Variants in CHSY3 observed in about 807,000 individuals in gnomAD.
The protein encoded by CHSY3 is N-acetylgalactosaminyl-proteoglycan 3-beta-glucuronosyltransferase 3.
A neutral mutation model predicts 67.2 loss-of-function variants in CHSY3; 35 were observed. That is an observed-to-expected ratio of 0.52 (90% confidence interval 0.40 to 0.69). The LOEUF (loss-of-function observed/expected upper bound fraction) is 0.69, where lower values mean the gene tolerates loss of function less well. CHSY3 is among the 30% of genes least tolerant of loss of function. CHSY3 has a pLI of 0.00. For synonymous variants in CHSY3, 474 were observed against 434.7 expected (o/e 1.09, Z -1.12); for missense variants, 1,069 against 1,138.5 (o/e 0.94, Z 0.88).
intron 2 of CHSY3, among the ~76,000 whole-genome samples, chr5:129,942,392 T>C (rs896864603): frequency 1.2e-4 from 18 of 152,182 alleles, no homozygotes; most frequent in African/African-American, 4.3e-4. Context: ...TATTATATAT[T>C]TGGAGAATTA....
intron 2 of CHSY3, among the ~76,000 whole-genome samples, chr5:130,102,917 C>T (rs919474096): frequency 1.3e-5 from 2 of 151,952 alleles, no homozygotes; most frequent in Non-Finnish European, 2.9e-5. Context: ...TACTCTAGTA[C>T]AGTGTTTCAC....
intron 2 of CHSY3, among the ~76,000 whole-genome samples, chr5:129,926,960 C>G (rs1239238063): frequency 2.0e-5 from 3 of 151,858 alleles, no homozygotes; most frequent in African/African-American, 4.8e-5. Context: ...GAGCATTTAA[C>G]AGTATACCAC....
At chr5:129,973,483 G>C (rs538091741) in intron 2 of CHSY3, among the ~76,000 whole-genome samples, 1 of 152,044 alleles carries the variant, frequency 6.6e-6, no homozygotes, top group South Asian at 2.1e-4. Context: ...GTTTCTTTTT[G>C]AATTGTTGCC....
chr5:129,992,867 T>G (rs1184760359), intron 2 of CHSY3, among the ~76,000 whole-genome samples: 1 of 152,206 alleles, frequency 6.6e-6, no homozygotes, highest in East Asian at 1.9e-4. Flanking sequence ...TGTCAAGTTG[T>G]GTACTAAAGC....
At chr5:130,179,094 A>G (rs1016605469) in intron 2 of CHSY3, among the ~76,000 whole-genome samples, 2 of 152,194 alleles carry the variant, frequency 1.3e-5, no homozygotes, top group South Asian at 2.1e-4. Flanking sequence ...TCACTTTATT[A>G]CTGTCCTCAT....
chr5:129,968,512 A>C (rs922410405), intron 2 of CHSY3, among the ~76,000 whole-genome samples: 1 of 151,824 alleles, frequency 6.6e-6, no homozygotes, highest in Non-Finnish European at 1.5e-5. Context: ...TTGGTACTCT[A>C]ACATTTAACT....
chr5:130,173,676 T>G (rs907852298), intron 2 of CHSY3, among the ~76,000 whole-genome samples: 11 of 152,052 alleles, frequency 7.2e-5, no homozygotes, highest in Admixed American at 7.2e-4. Context: ...TGAAGAAGAG[T>G]GTACCTTATT....
At chr5:129,968,612 ATGAATTTTGCTGTAACTG>A (rs1762534413) in intron 2 of CHSY3, among the ~76,000 whole-genome samples, 1 of 151,766 alleles carries the variant, frequency 6.6e-6, no homozygotes, top group Non-Finnish European at 1.5e-5. Flanking sequence ...CTAGTTCCTT[ATGAATTTTGCTGTAACTG>A]TAAAGGACAG....
intron 2 of CHSY3, among the ~76,000 whole-genome samples, chr5:130,000,493 G>T (rs1763688469): frequency 6.6e-6 from 1 of 151,974 alleles, no homozygotes; most frequent in African/African-American, 2.4e-5. Context: ...GTCTCTTGCC[G>T]ATTTACGATT....
At chr5:129,990,880 C>T (rs1358848556) in intron 2 of CHSY3, among the ~76,000 whole-genome samples, 1 of 151,954 alleles carries the variant, frequency 6.6e-6, no homozygotes, top group African/African-American at 2.4e-5. Flanking sequence ...GACAAAAGTA[C>T]CATAGAAGGA....
At chr5:130,153,014 T>G (rs1345723593) in intron 2 of CHSY3, among the ~76,000 whole-genome samples, 5 of 152,120 alleles carry the variant, frequency 3.3e-5, no homozygotes, top group Admixed American at 2.6e-4. Flanking sequence ...GCAGATCACT[T>G]GAAATCAGGA....
chr5:130,146,960 A>G (rs1215947760), intron 2 of CHSY3, among the ~76,000 whole-genome samples: 1 of 151,876 alleles, frequency 6.6e-6, no homozygotes, highest in Non-Finnish European at 1.5e-5. Context: ...TGCCCAGCTA[A>G]TTTTTGTATT....
chr5:130,152,193 C>G (rs1769252789), intron 2 of CHSY3, among the ~76,000 whole-genome samples: 1 of 152,206 alleles, frequency 6.6e-6, no homozygotes, highest in Admixed American at 6.5e-5. Context: ...ACTGTTCCAG[C>G]ATTAACGTTT....
intron 2 of CHSY3, among the ~76,000 whole-genome samples, chr5:130,156,475 G>A (rs1041209172): frequency 2.6e-5 from 4 of 152,164 alleles, no homozygotes; most frequent in Non-Finnish European, 5.9e-5. Context: ...TGTGAGATGG[G>A]TCAATATCAC....
intron 2 of CHSY3, among the ~76,000 whole-genome samples, chr5:129,929,039 A>G (rs73785815): frequency 5.3e-4 from 80 of 152,312 alleles, no homozygotes; most frequent in African/African-American, 1.9e-3. Flanking sequence ...TTATGAGTTC[A>G]AAGAATGGCA....
intron 2 of CHSY3, among the ~76,000 whole-genome samples, chr5:130,121,256 G>C (rs1317575738): frequency 6.6e-6 from 1 of 152,126 alleles, no homozygotes; most frequent in Non-Finnish European, 1.5e-5. Context: ...CGTGTTCTTA[G>C]CATATAATAG....
intron 2 of CHSY3, among the ~76,000 whole-genome samples, chr5:130,183,850 A>C (rs1191580144): frequency 6.6e-6 from 1 of 152,098 alleles, no homozygotes; most frequent in Non-Finnish European, 1.5e-5. Context: ...TGATGACTAT[A>C]GTTAATAACT....
At chr5:129,943,975 C>T (rs188049693) in intron 2 of CHSY3, among the ~76,000 whole-genome samples, 1 of 152,308 alleles carries the variant, frequency 6.6e-6, no homozygotes, top group East Asian at 1.9e-4. Context: ...TGCCCTTCTA[C>T]TATTCCATGC....
In CHSY3 at chr5:129,932,620, G is replaced by A. The variant is rs1761352732; in HGVS notation, c.1086+24260G>A. Among the ~76,000 whole-genome samples, 4 of 151,934 alleles carry A rather than the reference G, an allele frequency of 2.6e-5. No homozygotes were observed. In the South Asian group the frequency reaches 8.3e-4, roughly 32 times the overall value. On this transcript the variant is annotated intron_variant, in intron 2 of 2. Coordinates refer to ENST00000305031, the MANE Select transcript of CHSY3 (RefSeq NM_175856.5). ...TAAAGTCCAGCATCAACTTCTTAGGGTTGACATCTTCTTGATCCATGTATT... is the reference window on the plus strand; with the variant it reads ...TAAAGTCCAGCATCAACTTCTTAGGATTGACATCTTCTTGATCCATGTATT...
Sources: allele counts gnomAD v4.1 joint callset (sites outside exome capture counted in the v4.1 genomes callset), GRCh38; gene constraint gnomAD v4.1.1; transcripts MANE v1.5; gene names NCBI Gene and HGNC (gene_info 2026-07-23, HGNC 2026-07-21).